Variants in NEMP1 observed in about 807,000 individuals in gnomAD.
The protein encoded by NEMP1 is transmembrane protein 194.
Under a neutral mutation model 53.7 loss-of-function variants are expected in NEMP1, and 29 were observed. The ratio of observed to expected loss-of-function variants is 0.54; its 90% CI spans 0.40 to 0.74. The LOEUF is 0.74. Ranked by LOEUF, NEMP1 falls within the 30% of genes least tolerant of loss-of-function variation. The probability of loss-of-function intolerance (pLI) is 0.00; values close to 1 mark genes in which losing one functional copy is unlikely to be tolerated. For synonymous variants in NEMP1, 193 were observed against 192.9 expected (o/e 1.00, Z 0.00); for missense variants, 477 against 528.6 (o/e 0.90, Z 0.96).
rs1028362742 is a variant in NEMP1 at position 57,058,282 on chromosome 12, C to CTA, written c.*1596_*1597insTA. On this transcript the variant is annotated 3_prime_UTR_variant, in exon 9 of 9. Coordinates refer to ENST00000300128, the MANE Select transcript of NEMP1 (RefSeq NM_001130963.2). Reference sequence around the variant, plus strand: ...TTTGGAAGTCTGCAATGGAGCTAGGCCTTTCAAAATTACCACGCTAAATGG... The same window carrying CTA: ...TTTGGAAGTCTGCAATGGAGCTAGGCTACTTTCAAAATTACCACGCTAAATGG... 1.1e-4 allele frequency: 17 copies of CTA among 152,276 alleles called. No individual in the cohort carries two copies. The highest frequency in any genetic ancestry group is 4.1e-4 in the African/African-American group (17 of 41,560). 9.4% of individuals were successfully genotyped at this position (152,276 alleles called of 1,614,324 possible). A position where few individuals can be genotyped will look rare whatever the true frequency, so the allele number is the denominator to read the frequency against.
intron 1 of NEMP1, among the ~76,000 whole-genome samples, chr12:57,086,758 AGTC>A (rs1431009103): frequency 1.3e-5 from 2 of 152,162 alleles, no homozygotes; most frequent in Non-Finnish European, 2.9e-5. Flanking sequence ...GGCCCTGACA[AGTC>A]AATGATTTTT....
At chr12:57,076,379 G>C (rs1426670509) in intron 1 of NEMP1, among the ~76,000 whole-genome samples, 2 of 151,556 alleles carry the variant, frequency 1.3e-5, no homozygotes, top group Admixed American at 1.3e-4. Flanking sequence ...AATAATAAAT[G>C]AAGGCCAGGC....
At chr12:57,073,216 G>C (rs79563920) in intron 1 of NEMP1, among the ~76,000 whole-genome samples, 13,660 of 151,414 alleles carry the variant, frequency 0.09, 646 homozygotes, top group East Asian at 0.19. Flanking sequence ...GACTGCAGTG[G>C]GGCTATCTTG....
In NEMP1 at chr12:57,059,710, T is replaced by C. The variant is rs1006781739; in HGVS notation, c.*169A>G. Reference sequence around the variant, plus strand: ...CCACTCTCCTTCCTCAGGGATCCCATAGAGACCTCCCATTTCCAAAGGGAG... The same window carrying C: ...CCACTCTCCTTCCTCAGGGATCCCACAGAGACCTCCCATTTCCAAAGGGAG... On this transcript the variant is annotated 3_prime_UTR_variant, in exon 9 of 9. Coordinates refer to ENST00000300128, the MANE Select transcript of NEMP1 (RefSeq NM_001130963.2). 7 of 593,678 alleles carry C rather than the reference T, an allele frequency of 1.2e-5. No individual in the cohort carries two copies. The highest frequency in any genetic ancestry group is 2.3e-5 in the South Asian group (1 of 43,124). 36.8% of individuals were successfully genotyped at this position (593,678 alleles called of 1,614,324 possible). A position where few individuals can be genotyped will look rare whatever the true frequency, so the allele number is the denominator to read the frequency against.
chr12:57,077,322 A>G (rs2032678872), intron 1 of NEMP1, among the ~76,000 whole-genome samples: 1 of 126,418 alleles, frequency 7.9e-6, no homozygotes, highest in Admixed American at 8.6e-5. Context: ...AAAGAGGGAG[A>G]CTCTGTTTAA....
intron 4 of NEMP1, among the ~76,000 whole-genome samples, 188 bp downstream of exon 4, chr12:57,069,046 A>G (rs1294955344): frequency 6.6e-6 from 1 of 152,220 alleles, no homozygotes. Context: ...CACTATTGTC[A>G]ACATTGTTCA....
rs771521892 is a variant in NEMP1 at position 57,060,860 on chromosome 12, G to C, written c.1066C>G (p.Arg356Gly). 6.2e-7 allele frequency: 1 copy of C among 1,614,092 alleles called. No homozygotes were observed. The highest frequency in any genetic ancestry group is 8.5e-7 in the Non-Finnish European group (1 of 1,179,996). ...TCTCGGAGCTCCTCTAAAGCCTTTC[G>C]GGTTTCTACCTCTCCTTGTATCCGA... The part of the protein sequence containing the change: ...EYRIQGEVET[R>G]KALEELREFC... Residue 356 changes from arginine (R) to glycine (G), a missense_variant, in exon 8 of 9, where the codon CGA (arginine) becomes GGA (glycine). Transcript: ENST00000300128.
At chr12:57,071,124 C>T (rs1239442950) in intron 2 of NEMP1, among the ~76,000 whole-genome samples, 1 of 152,104 alleles carries the variant, frequency 6.6e-6, no homozygotes, top group Non-Finnish European at 1.5e-5. Flanking sequence ...TTAACATGAT[C>T]TGAATCTACT....
In NEMP1 at chr12:57,062,978, G is replaced by A. The variant is rs186952708; in HGVS notation, c.980+141C>T. 182 of 571,902 alleles carry A rather than the reference G, an allele frequency of 3.2e-4. 2 individuals are homozygous for A. The highest frequency in any genetic ancestry group is 2.5e-3 in the East Asian group (89 of 35,268). 35.4% of individuals were successfully genotyped at this position (571,902 alleles called of 1,614,324 possible). A position where few individuals can be genotyped will look rare whatever the true frequency, so the allele number is the denominator to read the frequency against. On this transcript the variant is annotated intron_variant, in intron 7 of 8. Coordinates refer to ENST00000300128, the MANE Select transcript of NEMP1 (RefSeq NM_001130963.2). ...AAAGTAAAAAAAAAAAAATAGACTC[G>A]GGAAGGAACAAAAGTGGAAGTACAA...
At chr12:57,071,626 G>A (rs992646017) in intron 2 of NEMP1, among the ~76,000 whole-genome samples, 4 of 152,018 alleles carry the variant, frequency 2.6e-5, no homozygotes, top group African/African-American at 9.7e-5. Context: ...TGATTTGCCC[G>A]CCTCAGCCTC....
chr12:57,073,944 C>G (rs2032475499), intron 1 of NEMP1, among the ~76,000 whole-genome samples: 1 of 151,958 alleles, frequency 6.6e-6, no homozygotes. Flanking sequence ...CTGAGTAGAA[C>G]AGAATTGGCA....
At chr12:57,061,450 T>C (rs1367706460) in intron 7 of NEMP1, among the ~76,000 whole-genome samples, 4 of 152,096 alleles carry the variant, frequency 2.6e-5, no homozygotes, top group African/African-American at 9.7e-5. Flanking sequence ...TCCCAGCACT[T>C]TGGGAGGCCA....
At chr12:57,082,802 A>G (rs1370172072), upstream of NEMP1, among the ~76,000 whole-genome samples, 1 of 151,964 alleles carries the variant, frequency 6.6e-6, no homozygotes, top group Non-Finnish European at 1.5e-5. Context: ...ACTTGAGCCT[A>G]GGAGTTTGAG....
chr12:57,082,155 G>A (rs2136527792), upstream of NEMP1, among the ~76,000 whole-genome samples: 1 of 152,144 alleles, frequency 6.6e-6, no homozygotes, highest in East Asian at 1.9e-4. Context: ...GGCGGAGGTT[G>A]CAGCAGTGAG....
At chr12:57,083,029 A>G (rs1365674066), upstream of NEMP1, among the ~76,000 whole-genome samples, 2 of 151,906 alleles carry the variant, frequency 1.3e-5, no homozygotes. Context: ...AAATAAATAA[A>G]TAAAATAAAA....
chr12:57,069,179 C>T (rs369322303), intron 4 of NEMP1, 55 bp downstream of exon 4: 168 of 1,273,930 alleles, frequency 1.3e-4, no homozygotes, highest in Middle Eastern at 7.6e-4. Context: ...TACTATAAAA[C>T]GCAGGCAGGA....
At chr12:57,073,537 G>A (rs1157674777) in intron 1 of NEMP1, among the ~76,000 whole-genome samples, 1 of 152,030 alleles carries the variant, frequency 6.6e-6, no homozygotes, top group African/African-American at 2.4e-5. Context: ...CCAGCTACTC[G>A]AGAGGCTGAG....
chr12:57,076,892 G>C (rs2032647889), intron 1 of NEMP1, among the ~76,000 whole-genome samples: 1 of 146,954 alleles, frequency 6.8e-6, no homozygotes, highest in African/African-American at 2.5e-5. Flanking sequence ...GCTTGAAACA[G>C]GAACCGAGAT....
intron 3 of NEMP1, 34 bp downstream of exon 3, chr12:57,070,640 C>A (rs1027250407): frequency 3.9e-6 from 6 of 1,521,488 alleles, no homozygotes; most frequent in Non-Finnish European, 5.4e-6. Context: ...CTTATCACTA[C>A]AGAATCCATC....
Sources: allele counts gnomAD v4.1 joint callset (sites outside exome capture counted in the v4.1 genomes callset), GRCh38; gene constraint gnomAD v4.1.1; transcripts MANE v1.5; gene names NCBI Gene and HGNC (gene_info 2026-07-23, HGNC 2026-07-21).